Variants in DIP2B observed in about 807,000 individuals in gnomAD.
DIP2B encodes DIP2 acetate--CoA ligase B (putative).
A neutral mutation model predicts 198.0 loss-of-function variants in DIP2B; 76 were observed. The observed-to-expected ratio is 0.38, with a 90% confidence interval of 0.32 to 0.46. The LOEUF is 0.46. DIP2B is among the 20% of genes least tolerant of loss of function. The probability of loss-of-function intolerance (pLI) is 0.99; values close to 1 mark genes in which losing one functional copy is unlikely to be tolerated. For missense variants in DIP2B, 1,559 were observed against 1,978.4 expected (o/e 0.79, Z 4.02); for synonymous variants, 701 against 739.1 (o/e 0.95, Z 0.84).
intron 23 of DIP2B, among the ~76,000 whole-genome samples, chr12:50,717,278 GT>G (rs1376542926): frequency 5.8e-5 from 8 of 138,542 alleles, no homozygotes; most frequent in African/African-American, 2.2e-4. Context: ...TTTTTTGTTC[GT>G]TTGTTTTTGT....
At chr12:50,644,508 T>C (rs1441862721) in intron 3 of DIP2B, among the ~76,000 whole-genome samples, 1 of 152,214 alleles carries the variant, frequency 6.6e-6, no homozygotes, top group African/African-American at 2.4e-5. Flanking sequence ...CCAAAGTCAC[T>C]TGTGTCTGGG....
At chr12:50,662,469 C>T (rs866157622) in intron 4 of DIP2B, among the ~76,000 whole-genome samples, 14 of 152,208 alleles carry the variant, frequency 9.2e-5, no homozygotes, top group African/African-American at 3.4e-4. Context: ...TTGGGAAGAA[C>T]TCTTATCATA....
intron 2 of DIP2B, among the ~76,000 whole-genome samples, chr12:50,634,983 T>C (rs541258431): frequency 1.3e-5 from 2 of 152,338 alleles, no homozygotes; most frequent in South Asian, 2.1e-4. Context: ...CCACCCTCAA[T>C]AGATCTTTTA....
chr12:50,631,462 T>C (rs934404226), intron 2 of DIP2B, among the ~76,000 whole-genome samples: 8 of 151,896 alleles, frequency 5.3e-5, no homozygotes, highest in African/African-American at 1.9e-4. Flanking sequence ...CTTGACCTCA[T>C]GATCCACCTG....
At chr12:50,698,586 A>G (rs1425757216) in intron 18 of DIP2B, 119 bp downstream of exon 18, 3 of 1,235,474 alleles carry the variant, frequency 2.4e-6, no homozygotes, top group Non-Finnish European at 3.3e-6. Flanking sequence ...AACGCATTTA[A>G]TTTCTCAGAG....
At chr12:50,524,216 A>G (rs1196367651) in intron 1 of DIP2B, among the ~76,000 whole-genome samples, 4 of 152,176 alleles carry the variant, frequency 2.6e-5, no homozygotes, top group Admixed American at 2.6e-4. Flanking sequence ...AATCATGCCC[A>G]TGTCATCACA....
At chr12:50,507,989 T>A (rs1270491857) in intron 1 of DIP2B, among the ~76,000 whole-genome samples, 2 of 152,176 alleles carry the variant, frequency 1.3e-5, no homozygotes, top group East Asian at 3.8e-4. Flanking sequence ...GTTAAAGAAT[T>A]TTCTTTGTGC....
chr12:50,702,628 C>T (rs952533891), intron 19 of DIP2B, among the ~76,000 whole-genome samples: 18 of 147,508 alleles, frequency 1.2e-4, no homozygotes, highest in East Asian at 4.2e-4. Context: ...GAGTGTGACA[C>T]GGGGGATCAC....
In DIP2B at chr12:50,505,255, G is replaced by T. The variant is rs958301881; in HGVS notation, c.100+15G>T. 2 of 1,487,288 alleles carry T rather than the reference G, an allele frequency of 1.3e-6. No homozygotes were observed. 92.1% of individuals were successfully genotyped at this position (1,487,288 alleles called of 1,614,324 possible). A position where few individuals can be genotyped will look rare whatever the true frequency, so the allele number is the denominator to read the frequency against. On this transcript the variant is annotated intron_variant, in intron 1 of 37. Transcript: ENST00000301180. ...GCTCTCGGAGGGTAGGAGCCGGGCC[G>T]GGGAGAGGGCGCCCGGGGCCCTGCG...
chr12:50,689,827 G>C (rs975444561), intron 12 of DIP2B, among the ~76,000 whole-genome samples: 1 of 152,076 alleles, frequency 6.6e-6, no homozygotes, highest in Non-Finnish European at 1.5e-5. Flanking sequence ...GTGGGAGAGA[G>C]ACAGACACAC....
chr12:50,593,512 A>AC (rs1958837948), intron 1 of DIP2B, among the ~76,000 whole-genome samples: 1 of 151,412 alleles, frequency 6.6e-6, no homozygotes, highest in African/African-American at 2.4e-5. Flanking sequence ...TCAAAACAAA[A>AC]AAAAAAAAGG....
intron 14 of DIP2B, among the ~76,000 whole-genome samples, chr12:50,693,351 T>C (rs992816907): frequency 6.6e-6 from 1 of 152,176 alleles, no homozygotes. Flanking sequence ...ACAGCTGAGT[T>C]GGACTTTGAA....
rs74806864 is a variant in DIP2B, at chr12:50,742,959, C to G, written c.4478+1420C>G. On this transcript the variant is annotated intron_variant, in intron 37 of 37. Transcript: ENST00000301180. ...TCCCCAGACCTGAACAAGACTCTGA[C>G]CAAGACAAGAACATCTTTAGACATC... Among the ~76,000 whole-genome samples the G allele has an allele frequency of 8.4e-4, 128 of 152,180 alleles. 2 individuals carry two copies. In the East Asian group the frequency reaches 0.023, roughly 27 times the overall value.
At chr12:50,551,513 G>A (rs543581675) in intron 1 of DIP2B, among the ~76,000 whole-genome samples, 5 of 152,246 alleles carry the variant, frequency 3.3e-5, no homozygotes, top group Admixed American at 6.5e-5. Context: ...GCATGATCTC[G>A]GTGCACTGCA....
At chr12:50,660,844 G>A (rs772392914) in intron 4 of DIP2B, among the ~76,000 whole-genome samples, 10 of 152,002 alleles carry the variant, frequency 6.6e-5, no homozygotes, top group Non-Finnish European at 4.4e-5. Context: ...GTGTGTTTAT[G>A]TGTGTGTGTG....
chr12:50,620,252 T>C (rs2139461936), intron 1 of DIP2B, among the ~76,000 whole-genome samples: 1 of 152,336 alleles, frequency 6.6e-6, no homozygotes, highest in African/African-American at 2.4e-5. Flanking sequence ...CTTGGGTGGC[T>C]GGCAGGCTCA....
At chr12:50,557,099 C>T (rs1404603530) in intron 1 of DIP2B, among the ~76,000 whole-genome samples, 4 of 152,032 alleles carry the variant, frequency 2.6e-5, no homozygotes, top group Non-Finnish European at 4.4e-5. Context: ...TGCCTGCCTC[C>T]GCTTCCCAAA....
Position 50,563,812 on chromosome 12 carries a change from A to T in DIP2B, c.100+58572A>T, listed in dbSNP as rs576402120. Among the ~76,000 whole-genome samples, 30 of 150,824 alleles carry T rather than the reference A, an allele frequency of 2.0e-4. No homozygotes were observed. In the South Asian group the frequency reaches 3.1e-3, roughly 16 times the overall value. ...TGCCCAGCCTAATTTTTTTTTTTTT[A>T]AAAGCTCATTCTGTGTACCTTAACT... On this transcript the variant is annotated intron_variant, in intron 1 of 37. Coordinates refer to ENST00000301180, the MANE Select transcript of DIP2B (RefSeq NM_173602.3).
intron 1 of DIP2B, among the ~76,000 whole-genome samples, chr12:50,509,139 GCT>G (rs58031585): frequency 0.87 from 131,806 of 152,114 alleles, 58,398 homozygotes; most frequent in Non-Finnish European, 0.98. Context: ...CTTTTAAGAA[GCT>G]CTGAGTCTGC....
Sources: allele counts gnomAD v4.1 joint callset (sites outside exome capture counted in the v4.1 genomes callset), GRCh38; gene constraint gnomAD v4.1.1; transcripts MANE v1.5; gene names NCBI Gene and HGNC (gene_info 2026-07-23, HGNC 2026-07-21).